Variants in ANTXR1 observed in about 807,000 individuals in gnomAD.
The protein encoded by ANTXR1 is anthrax toxin receptor 1.
In ANTXR1, 19 loss-of-function variants were observed where a neutral mutation model predicts 78.1. The ratio of observed to expected loss-of-function variants is 0.24; its 90% confidence interval spans 0.17 to 0.36. The LOEUF is 0.36. Ranked by LOEUF, ANTXR1 falls within the 10% of genes least tolerant of loss-of-function variation. ANTXR1 has a pLI of 1.00. For missense variants in ANTXR1, 518 were observed against 718.6 expected (o/e 0.72, Z 3.19); for synonymous variants, 273 against 260.5 (o/e 1.05, Z -0.46).
chr2:69,103,185 C>A, intron 10 of ANTXR1: 1 of 527,428 alleles, frequency 1.9e-6, no homozygotes, highest in Non-Finnish European at 3.5e-6. Context: ...GACTTGAGTC[C>A]CCGTCCTCCA....
At chr2:69,193,254 C>G in intron 16 of ANTXR1, 81 bp from the exon 17 acceptor site, 2 of 1,149,844 alleles carry the variant, frequency 1.7e-6, no homozygotes, top group South Asian at 2.5e-5. Context: ...ACTGAAGAAG[C>G]ACGGAAAGTT....
chr2:69,201,924 G>T (rs1404229656), intron 17 of ANTXR1, among the ~76,000 whole-genome samples: 1 of 152,172 alleles, frequency 6.6e-6, no homozygotes, highest in Non-Finnish European at 1.5e-5. Context: ...AACTCTCTGG[G>T]TTGCTCACTG....
At chr2:69,189,462 G>A (rs553455875) in intron 16 of ANTXR1, among the ~76,000 whole-genome samples, 1 of 152,348 alleles carries the variant, frequency 6.6e-6, no homozygotes, top group East Asian at 1.9e-4. Context: ...CCAGTAAGAT[G>A]TTTCATGGTT....
At chr2:69,150,243 G>A (rs1673353204) in intron 12 of ANTXR1, among the ~76,000 whole-genome samples, 1 of 152,242 alleles carries the variant, frequency 6.6e-6, no homozygotes, top group Admixed American at 6.5e-5. Context: ...ACCCTGAACA[G>A]ACCACCCAGC....
intron 2 of ANTXR1, among the ~76,000 whole-genome samples, chr2:69,043,374 A>G (rs77718302): frequency 0.037 from 5,582 of 152,312 alleles, 299 homozygotes; most frequent in East Asian, 0.22. Context: ...GCAAATCACT[A>G]TGATCTCACA....
chr2:69,112,245 A>AC (rs1156591075), intron 10 of ANTXR1, among the ~76,000 whole-genome samples: 1 of 152,128 alleles, frequency 6.6e-6, no homozygotes, highest in Non-Finnish European at 1.5e-5. Context: ...TTTCATCATC[A>AC]CCGCAGCCCA....
intron 10 of ANTXR1, among the ~76,000 whole-genome samples, chr2:69,111,356 G>A (rs1210143032): frequency 1.3e-5 from 2 of 152,216 alleles, no homozygotes; most frequent in Non-Finnish European, 2.9e-5. Context: ...AGTATGAGCT[G>A]AGAAGTGATC....
chr2:69,225,896 C>T (rs937235177), intron 17 of ANTXR1, among the ~76,000 whole-genome samples: 1 of 152,140 alleles, frequency 6.6e-6, no homozygotes, highest in Non-Finnish European at 1.5e-5. Context: ...CAAGAAAGGA[C>T]CAGGTGGGAA....
intron 12 of ANTXR1, among the ~76,000 whole-genome samples, chr2:69,132,524 GTAGGGA>G (rs1232564612): frequency 6.6e-6 from 1 of 152,250 alleles, no homozygotes; most frequent in Non-Finnish European, 1.5e-5. Flanking sequence ...CACCAGCCCG[GTAGGGA>G]GTGAATTCAG....
intron 16 of ANTXR1, chr2:69,182,920 G>C (rs1252128532): frequency 4.0e-6 from 2 of 500,730 alleles, no homozygotes; most frequent in Non-Finnish European, 7.1e-6. Flanking sequence ...GAACAATATA[G>C]AGAAGATTAG....
At chr2:69,036,046 A>G (rs72895439) in intron 1 of ANTXR1, among the ~76,000 whole-genome samples, 10,916 of 152,250 alleles carry the variant, frequency 0.072, 770 homozygotes, top group East Asian at 0.23. Flanking sequence ...ATGCAAATTA[A>G]TTTGTGGCTG....
chr2:69,217,850 G>A (rs1458668963), intron 17 of ANTXR1, among the ~76,000 whole-genome samples: 1 of 152,114 alleles, frequency 6.6e-6, no homozygotes, highest in Non-Finnish European at 1.5e-5. Context: ...GAATTTCATG[G>A]AGAAGAAATT....
rs562047844 is a variant in ANTXR1, at chr2:69,152,788, C to T, written c.1047+524C>T. On this transcript the variant is annotated intron_variant, in intron 13 of 17. Transcript: ENST00000303714. ...TGATTTTGGCAACTTTTATAGGACA[C>T]ACCTACTGTGTGACCAGCACTGGGC... Among the ~76,000 whole-genome samples the T allele has an allele frequency of 5.3e-5, 8 of 152,308 alleles. No individual in the cohort carries two copies. The East Asian group carries it at 1.5e-3, about 29-fold the overall frequency.
At chr2:69,033,693 A>G (rs1671595754) in intron 1 of ANTXR1, among the ~76,000 whole-genome samples, 1 of 152,200 alleles carries the variant, frequency 6.6e-6, no homozygotes, top group Non-Finnish European at 1.5e-5. Context: ...GGGGCTAAGG[A>G]CAAGTAGAAA....
At chr2:69,122,300 A>C (rs1672374103) in intron 10 of ANTXR1, among the ~76,000 whole-genome samples, 1 of 152,232 alleles carries the variant, frequency 6.6e-6, no homozygotes, top group Non-Finnish European at 1.5e-5. Flanking sequence ...AGCCATGTAC[A>C]GGAAGCTTCC....
chr2:69,071,121 C>T (rs1558514318), intron 4 of ANTXR1, among the ~76,000 whole-genome samples: 1 of 152,018 alleles, frequency 6.6e-6, no homozygotes, highest in East Asian at 1.9e-4. Context: ...CTGACAACTA[C>T]AGTCATCTGT....
At chr2:69,214,624 C>CA (rs1413408176) in intron 17 of ANTXR1, among the ~76,000 whole-genome samples, 1 of 152,176 alleles carries the variant, frequency 6.6e-6, no homozygotes. Flanking sequence ...CCTGTTTCTC[C>CA]ATTTTGCTCT....
intron 3 of ANTXR1, among the ~76,000 whole-genome samples, chr2:69,063,323 A>G (rs1670301170): frequency 2.6e-5 from 4 of 152,176 alleles, no homozygotes; most frequent in Admixed American, 2.6e-4. Flanking sequence ...TTAAAAAAAT[A>G]ACTTACTTTT....
intron 1 of ANTXR1, among the ~76,000 whole-genome samples, chr2:69,018,929 C>T (rs188001655): frequency 2.6e-5 from 4 of 152,316 alleles, no homozygotes. Flanking sequence ...GCTGTTAAAT[C>T]AGCTGTAGTT....
Sources: allele counts gnomAD v4.1 joint callset (sites outside exome capture counted in the v4.1 genomes callset), GRCh38; gene constraint gnomAD v4.1.1; transcripts MANE v1.5; gene names NCBI Gene and HGNC (gene_info 2026-07-23, HGNC 2026-07-21).